Variants in GPC5 observed in about 807,000 individuals in gnomAD.
The protein encoded by GPC5 is glypican-5.
Under a neutral mutation model 53.9 loss-of-function variants are expected in GPC5, and 47 were observed. That is an observed-to-expected ratio of 0.87 (90% CI 0.69 to 1.11). The LOEUF is 1.11. GPC5 is among the 50% of genes most tolerant of loss of function. GPC5 has a pLI of 0.00. For missense variants in GPC5, 748 were observed against 713.1 expected (o/e 1.05, Z -0.56); for synonymous variants, 286 against 263.3 (o/e 1.09, Z -0.84).
chr13:91,655,975 G>C (rs998272077), intron 2 of GPC5, among the ~76,000 whole-genome samples: 1 of 152,048 alleles, frequency 6.6e-6, no homozygotes, highest in African/African-American at 2.4e-5. Context: ...TCACAACAGA[G>C]GCGATGTGCG....
chr13:91,718,895 A>G (rs1432612476), intron 3 of GPC5, among the ~76,000 whole-genome samples: 1 of 152,166 alleles, frequency 6.6e-6, no homozygotes, highest in Non-Finnish European at 1.5e-5. Context: ...ACTGAAGTTA[A>G]CTTTATATAA....
At chr13:92,172,627 T>C (rs1181787675) in intron 7 of GPC5, among the ~76,000 whole-genome samples, 1 of 152,176 alleles carries the variant, frequency 6.6e-6, no homozygotes, top group Non-Finnish European at 1.5e-5. Flanking sequence ...GTTCATCTAC[T>C]GCTTCTTTCA....
intron 6 of GPC5, among the ~76,000 whole-genome samples, chr13:92,021,896 C>G (rs1044424659): frequency 2.0e-5 from 3 of 152,174 alleles, no homozygotes; most frequent in Admixed American, 2.0e-4. Context: ...GATTATTAGT[C>G]AAACTGTCCA....
At chr13:92,337,672 T>A (rs2043334315) in intron 7 of GPC5, among the ~76,000 whole-genome samples, 1 of 152,144 alleles carries the variant, frequency 6.6e-6, no homozygotes, top group East Asian at 1.9e-4. Context: ...AGTCAACTGA[T>A]TTTGACAAAG....
chr13:91,559,603 T>A (rs898006461), intron 2 of GPC5, among the ~76,000 whole-genome samples: 2 of 152,158 alleles, frequency 1.3e-5, no homozygotes. Flanking sequence ...TTGGAATGTG[T>A]ACATATACTT....
intron 7 of GPC5, among the ~76,000 whole-genome samples, chr13:92,853,291 A>C (rs1405271021): frequency 1.3e-5 from 2 of 151,952 alleles, no homozygotes; most frequent in African/African-American, 4.8e-5. Context: ...ATTTTCAGAG[A>C]GAGAGAGTCT....
chr13:92,105,737 T>C (rs1444646163), intron 6 of GPC5, among the ~76,000 whole-genome samples: 1 of 152,044 alleles, frequency 6.6e-6, no homozygotes, highest in African/African-American at 2.4e-5. Context: ...TTAATCTTAA[T>C]TGCTCAACAT....
intron 7 of GPC5, among the ~76,000 whole-genome samples, chr13:92,377,035 AGAAAC>A (rs1265505795): frequency 6.6e-6 from 1 of 152,072 alleles, no homozygotes; most frequent in Non-Finnish European, 1.5e-5. Context: ...AAAAAAGAAA[AGAAAC>A]TTCCCTGACT....
chr13:92,089,554 G>C (rs909557826), intron 6 of GPC5, among the ~76,000 whole-genome samples: 1 of 151,936 alleles, frequency 6.6e-6, no homozygotes, highest in African/African-American at 2.4e-5. Context: ...TTTTAAAAAG[G>C]CATATTTTAA....
At chr13:92,104,113 T>A (rs2138916432) in intron 6 of GPC5, among the ~76,000 whole-genome samples, 1 of 152,186 alleles carries the variant, frequency 6.6e-6, no homozygotes, top group Non-Finnish European at 1.5e-5. Context: ...AAGTAGGGGT[T>A]TTGAGGGAAC....
At chr13:91,860,685 A>G (rs2039017827) in intron 5 of GPC5, among the ~76,000 whole-genome samples, 1 of 151,858 alleles carries the variant, frequency 6.6e-6, no homozygotes, top group Admixed American at 6.6e-5. Flanking sequence ...TATTTTTAGT[A>G]GAGGCGGGGT....
At chr13:91,869,104 C>T (rs970510411) in intron 5 of GPC5, among the ~76,000 whole-genome samples, 11 of 151,964 alleles carry the variant, frequency 7.2e-5, no homozygotes, top group African/African-American at 1.7e-4. Context: ...AGTGCATTGG[C>T]GTGGGAGTGC....
intron 3 of GPC5, among the ~76,000 whole-genome samples, chr13:91,711,655 G>T (rs769228680): frequency 6.6e-6 from 1 of 152,164 alleles, no homozygotes; most frequent in Non-Finnish European, 1.5e-5. Context: ...ACTGTATTAA[G>T]TAAAGCATTT....
chr13:91,613,651 GGAA>G (rs1196004127), intron 2 of GPC5, among the ~76,000 whole-genome samples: 6 of 152,246 alleles, frequency 3.9e-5, no homozygotes, highest in Admixed American at 2.0e-4. Flanking sequence ...AAAACTACAA[GGAA>G]GAAGAAGAAG....
intron 5 of GPC5, among the ~76,000 whole-genome samples, chr13:91,794,957 A>G (rs1260820366): frequency 6.6e-6 from 1 of 152,216 alleles, no homozygotes; most frequent in Non-Finnish European, 1.5e-5. Flanking sequence ...ATGTAAGCAT[A>G]AAGGAAGGGA....
chr13:92,489,823 A>G (rs1455670098), intron 7 of GPC5, among the ~76,000 whole-genome samples: 2 of 152,016 alleles, frequency 1.3e-5, no homozygotes, highest in Admixed American at 6.6e-5. Flanking sequence ...ATAAGCCAGG[A>G]AGGAACTCTT....
At chr13:91,861,374 A>G (rs2039026154) in intron 5 of GPC5, among the ~76,000 whole-genome samples, 2 of 152,084 alleles carry the variant, frequency 1.3e-5, no homozygotes, top group African/African-American at 4.8e-5. Context: ...ACTTTCCTTC[A>G]TGAATTATGA....
chr13:91,807,684 A>G (rs185999393), intron 5 of GPC5, among the ~76,000 whole-genome samples: 1 of 152,278 alleles, frequency 6.6e-6, no homozygotes, highest in Non-Finnish European at 1.5e-5. Flanking sequence ...GTGCATTTTC[A>G]TGCATAATTA....
At chr13:92,055,306 A>G (rs1191277053) in intron 6 of GPC5, among the ~76,000 whole-genome samples, 1 of 152,176 alleles carries the variant, frequency 6.6e-6, no homozygotes, top group African/African-American at 2.4e-5. Context: ...TGAGATTTGA[A>G]ATGAGCTCTA....
Sources: allele counts gnomAD v4.1 joint callset (sites outside exome capture counted in the v4.1 genomes callset), GRCh38; gene constraint gnomAD v4.1.1; transcripts MANE v1.5; gene names NCBI Gene and HGNC (gene_info 2026-07-23, HGNC 2026-07-21).